The following BBX variants were observed in gnomAD, a reference collection of about 807,000 sequenced individuals.
BBX encodes HMG box transcription factor BBX.
Under a neutral mutation model 100.2 loss-of-function variants are expected in BBX, and 30 were observed. The observed-to-expected ratio is 0.30, with a 90% confidence interval of 0.22 to 0.41. The LOEUF is 0.41. Among genes scored for constraint, BBX ranks in the 10% least tolerant of loss-of-function variants. BBX has a pLI of 1.00. For missense variants in BBX, 1,023 were observed against 1,129.8 expected, an observed-to-expected ratio of 0.91 and a Z score of 1.35; for synonymous variants, 376 against 388.1, an observed-to-expected ratio of 0.97 and a Z score of 0.37.
chr3:107,782,700 A>G (rs1355234162), intron 13 of BBX, among the ~76,000 whole-genome samples: 2 of 152,058 alleles, frequency 1.3e-5, no homozygotes, highest in Non-Finnish European at 2.9e-5. Flanking sequence ...TCGGCTTGTC[A>G]TTTGGCCCTT....
chr3:107,692,170 TTTTATTTATTTATTTA>T (rs201883262), intron 3 of BBX, among the ~76,000 whole-genome samples: 5 of 148,120 alleles, frequency 3.4e-5, no homozygotes, highest in South Asian at 2.1e-4. Context: ...TTTTTAATTA[TTTTATTTATTTATTTA>T]TTTATTTATT....
chr3:107,530,923 T>C (rs1348933238), intron 2 of BBX, among the ~76,000 whole-genome samples: 4 of 152,236 alleles, frequency 2.6e-5, no homozygotes, highest in African/African-American at 9.6e-5. Flanking sequence ...GACTTATAGT[T>C]TGAAAAACAC....
chr3:107,698,079 G>T (rs1398464361), intron 3 of BBX, among the ~76,000 whole-genome samples: 1 of 151,716 alleles, frequency 6.6e-6, no homozygotes, highest in Non-Finnish European at 1.5e-5. Flanking sequence ...CGCACCCACT[G>T]ACCTGCGCCC....
Position 107,705,244 on chromosome 3 carries a change from G to A in BBX, c.-9-5208G>A, listed in dbSNP as rs114985105. ...GCCCTATTTGTGGTTAGAATATGTG[G>A]TTGTCTAGCAGTGGTATTTAATGGG... On this transcript the variant is annotated intron_variant, in intron 3 of 17. Transcript: ENST00000325805. Among the ~76,000 whole-genome samples the A allele has an allele frequency of 9.2e-3, 1,394 of 152,232 alleles. 9 individuals carry two copies. Among genetic ancestry groups the A allele is most frequent in the Non-Finnish European group, 0.016 (1,096 of 67,996 alleles).
At chr3:107,625,086 A>T (rs1334105759) in intron 2 of BBX, among the ~76,000 whole-genome samples, 1 of 152,022 alleles carries the variant, frequency 6.6e-6, no homozygotes, top group East Asian at 1.9e-4. Context: ...ACAACTTTGG[A>T]ATTTCTTCTT....
At chr3:107,589,177 A>G (rs2053089963) in intron 2 of BBX, among the ~76,000 whole-genome samples, 1 of 152,172 alleles carries the variant, frequency 6.6e-6, no homozygotes, top group East Asian at 1.9e-4. Flanking sequence ...TTAAGGAACT[A>G]TTTCATTGTA....
intron 4 of BBX, among the ~76,000 whole-genome samples, chr3:107,710,829 A>G (rs2061671956): frequency 6.6e-6 from 1 of 152,120 alleles, no homozygotes; most frequent in African/African-American, 2.4e-5. Context: ...ACTGAGACAC[A>G]TCCTTTTAAA....
intron 12 of BBX, among the ~76,000 whole-genome samples, chr3:107,777,440 G>A (rs1276414511): frequency 6.6e-6 from 1 of 152,142 alleles, no homozygotes; most frequent in Non-Finnish European, 1.5e-5. Flanking sequence ...CTGCTTATAA[G>A]CTGGTACTAA....
In BBX at chr3:107,806,727, C is replaced by T. The variant is rs894875825; in HGVS notation, c.*1270C>T. On this transcript the variant is annotated 3_prime_UTR_variant, in exon 18 of 18. Transcript: ENST00000325805. ...AGAACATTCAACATATTGACTTAAC[C>T]ACCTGACATTCACAGTGTCTTGTTT... 6.6e-6 allele frequency: 1 copy of T among 152,166 alleles called. No individual in the cohort carries two copies. Among genetic ancestry groups the T allele is most frequent in the African/African-American group, 2.4e-5 (1 of 41,430 alleles). 9.4% of individuals were successfully genotyped at this position (152,166 alleles called of 1,614,324 possible). A position where few individuals can be genotyped will look rare whatever the true frequency, so the allele number is the denominator to read the frequency against.
chr3:107,651,148 A>G (rs1022579840), intron 3 of BBX, among the ~76,000 whole-genome samples: 1 of 152,216 alleles, frequency 6.6e-6, no homozygotes, highest in Non-Finnish European at 1.5e-5. Flanking sequence ...TTGGAGCGGG[A>G]CACAATTTCA....
intron 3 of BBX, among the ~76,000 whole-genome samples, chr3:107,685,225 A>G (rs888231968): frequency 6.6e-6 from 1 of 152,206 alleles, no homozygotes; most frequent in Non-Finnish European, 1.5e-5. Flanking sequence ...GATAGGAGAC[A>G]GTATCCATGA....
At position 107,588,191 on chromosome 3, in the gene BBX, G is replaced by A. The variant is rs375700026; in HGVS notation, c.-83-57645G>A. Among the ~76,000 whole-genome samples, 91 of 152,250 alleles carry A rather than the reference G, an allele frequency of 6.0e-4. 1 individual carries two copies. In the South Asian group the frequency reaches 7.3e-3, roughly 12 times the overall value. ...TTATTAAATGATTTGAATGACTGAA[G>A]GTTCTGCTTGGTCAGCTAAGGCTTT... is the stretch of plus-strand genomic sequence containing the variant. On this transcript the variant is annotated intron_variant, in intron 2 of 17. Transcript: ENST00000325805.
chr3:107,807,697 C>T lies in BBX; in HGVS notation c.*2240C>T, dbSNP rs1415877984. Reference sequence around the variant, plus strand: ...TTCCTTACGAGATTGCTGTATATTCCTGGGACCTTTTTTAAAAAAAAAAAA... The same window carrying T: ...TTCCTTACGAGATTGCTGTATATTCTTGGGACCTTTTTTAAAAAAAAAAAA... On this transcript the variant is annotated 3_prime_UTR_variant, in exon 18 of 18. Transcript: ENST00000325805. The T allele has an allele frequency of 6.6e-6, 1 of 151,104 alleles. No homozygotes were observed. Among genetic ancestry groups the T allele is most frequent in the East Asian group, 1.9e-4 (1 of 5,176 alleles). 9.4% of individuals were successfully genotyped at this position (151,104 alleles called of 1,614,324 possible). A position where few individuals can be genotyped will look rare whatever the true frequency, so the allele number is the denominator to read the frequency against.
intron 3 of BBX, among the ~76,000 whole-genome samples, chr3:107,649,019 C>T (rs2057685568): frequency 6.6e-6 from 1 of 152,186 alleles, no homozygotes; most frequent in South Asian, 2.1e-4. Context: ...CTCACCGTTT[C>T]ACATGGCTGG....
At chr3:107,544,841 T>TAA (rs71764209) in intron 2 of BBX, among the ~76,000 whole-genome samples, 13,062 of 99,124 alleles carry the variant, frequency 0.13, 715 homozygotes, top group Non-Finnish European at 0.15. Flanking sequence ...CTGTCTCTAC[T>TAA]AAAAAAAAAA....
chr3:107,731,637 CAT>C (rs749032701), intron 6 of BBX, among the ~76,000 whole-genome samples: 28 of 152,064 alleles, frequency 1.8e-4, no homozygotes, highest in Admixed American at 8.5e-4. Flanking sequence ...CTTTTGGTAA[CAT>C]AGTTTTTCCT....
intron 3 of BBX, among the ~76,000 whole-genome samples, chr3:107,692,284 C>T (rs1312517524): frequency 4.0e-5 from 6 of 151,644 alleles, no homozygotes; most frequent in South Asian, 2.1e-4. Flanking sequence ...CATGCTGGTG[C>T]GCTGCACCTA....
intron 2 of BBX, among the ~76,000 whole-genome samples, chr3:107,615,402 C>T (rs1342108139): frequency 2.0e-5 from 3 of 152,094 alleles, no homozygotes; most frequent in Non-Finnish European, 2.9e-5. Context: ...CTTCTGGAGG[C>T]TCAGAAGTCC....
intron 15 of BBX, among the ~76,000 whole-genome samples, chr3:107,794,661 C>T (rs1220643655): frequency 1.3e-5 from 2 of 152,166 alleles, no homozygotes; most frequent in Admixed American, 6.5e-5. Context: ...TCATTCGTTT[C>T]TTTTTCCTGT....
Sources: gnomAD v4.1 joint callset for allele counts (sites outside exome capture counted in the v4.1 genomes callset) on GRCh38, gnomAD v4.1.1 for gene constraint, MANE v1.5 for transcripts, NCBI Gene and HGNC (gene_info 2026-07-23, HGNC 2026-07-21) for gene names.